The following ADAM23 variants were observed in gnomAD, a reference collection of about 807,000 sequenced individuals.
ADAM23 encodes the protein disintegrin and metalloproteinase domain-containing protein 23.
Under a neutral mutation model 120.1 loss-of-function variants are expected in ADAM23, and 33 were observed. That is an observed-to-expected ratio of 0.27 (90% CI 0.21 to 0.37). The LOEUF is 0.37. Ranked by LOEUF, ADAM23 falls within the 10% of genes least tolerant of loss-of-function variation. ADAM23 has a pLI of 1.00. For synonymous variants in ADAM23, 367 were observed against 375.2 expected (o/e 0.98, Z 0.25); for missense variants, 862 against 1,058.2 (o/e 0.81, Z 2.57).
Position 206,484,362 on chromosome 2 carries a change from A to G in ADAM23, c.509+3054A>G, listed in dbSNP as rs115715991. On this transcript the variant is annotated intron_variant, in intron 3 of 25. Transcript: ENST00000264377. ...GGTCAAATGCAAGAATTTTTGAGCAACCTTCATTAGAAATCATGTGCTATG... is the reference window on the plus strand; with the variant it reads ...GGTCAAATGCAAGAATTTTTGAGCAGCCTTCATTAGAAATCATGTGCTATG... Among the ~76,000 whole-genome samples the G allele has an allele frequency of 5.4e-3, 822 of 152,224 alleles. 16 individuals carry two copies. The highest frequency in any genetic ancestry group is 0.019 in the African/African-American group (794 of 41,544).
At chr2:206,541,983 T>C in intron 4 of ADAM23, 69 bp from the exon 5 acceptor site, 1 of 1,513,712 alleles carries the variant, frequency 6.6e-7, no homozygotes, top group South Asian at 1.1e-5. Context: ...TCTTTTTGCT[T>C]TATGGAAGCA....
chr2:206,596,513 T>G (rs1323505289), intron 24 of ADAM23, among the ~76,000 whole-genome samples: 1 of 152,252 alleles, frequency 6.6e-6, no homozygotes, highest in East Asian at 1.9e-4. Context: ...CAAATCTTTT[T>G]GGCTGACATG....
intron 3 of ADAM23, among the ~76,000 whole-genome samples, chr2:206,491,629 A>G (rs1233014267): frequency 1.3e-5 from 2 of 152,220 alleles, no homozygotes; most frequent in African/African-American, 4.8e-5. Flanking sequence ...GTTAATTGTG[A>G]CAAAAAATTG....
intron 2 of ADAM23, among the ~76,000 whole-genome samples, chr2:206,456,621 A>C (rs1208128732): frequency 6.6e-6 from 1 of 152,178 alleles, no homozygotes; most frequent in Non-Finnish European, 1.5e-5. Flanking sequence ...TTTGATCTGT[A>C]ATTATATAGC....
chr2:206,587,413 G>T, intron 19 of ADAM23, 38 bp downstream of exon 19: 3 of 1,446,344 alleles, frequency 2.1e-6, no homozygotes, highest in Non-Finnish European at 2.8e-6. Flanking sequence ...AATTTAAAAA[G>T]GATTCATTGG....
chr2:206,492,306 G>C (rs1193713347), intron 3 of ADAM23, among the ~76,000 whole-genome samples: 1 of 152,126 alleles, frequency 6.6e-6, no homozygotes, highest in Non-Finnish European at 1.5e-5. Context: ...AGAGAGTGTG[G>C]AGGCCTGAAG....
chr2:206,596,093 G>A lies in ADAM23; in HGVS notation c.2290G>A (p.Ala764Thr). 3 of 1,613,946 alleles carry A rather than the reference G, an allele frequency of 1.9e-6. No individual in the cohort carries two copies. Among genetic ancestry groups the A allele is most frequent in the Non-Finnish European group, 2.5e-6 (3 of 1,179,922 alleles). ...EATCICDFTW[A>T]GTDCSIRDPV... The stretch of plus-strand genomic sequence containing the variant: ...CACCTGCATTTGTGATTTCACCTGG[G>A]CAGGGACAGATTGCAGTATCCGGGA... Residue 764 changes from alanine to threonine, a missense_variant, in exon 24 of 26, where the codon GCA becomes ACA. Coordinates refer to ENST00000264377, the MANE Select transcript of ADAM23 (RefSeq NM_003812.4).
At chr2:206,526,308 T>G (rs1696947484) in intron 3 of ADAM23, among the ~76,000 whole-genome samples, 1 of 152,176 alleles carries the variant, frequency 6.6e-6, no homozygotes, top group South Asian at 2.1e-4. Flanking sequence ...ATTGTGAAAT[T>G]CTTTGAACAT....
chr2:206,560,968 T>TATA (rs1185673102), intron 11 of ADAM23, among the ~76,000 whole-genome samples, 160 bp from the exon 12 acceptor site: 1 of 152,206 alleles, frequency 6.6e-6, no homozygotes, highest in Non-Finnish European at 1.5e-5. Context: ...AATTTAAAGG[T>TATA]AATTATGTCA....
intron 1 of ADAM23, 39 bp downstream of exon 1, chr2:206,444,119 C>T: frequency 8.0e-7 from 1 of 1,249,054 alleles, no homozygotes; most frequent in Non-Finnish European, 1.0e-6. Context: ...GGCTTTCCCG[C>T]GGGGCCCTGC....
intron 3 of ADAM23, among the ~76,000 whole-genome samples, chr2:206,521,006 T>G (rs1696832161): frequency 6.6e-6 from 1 of 152,120 alleles, no homozygotes; most frequent in Non-Finnish European, 1.5e-5. Context: ...GTCTATAGGA[T>G]CTTCTCTTTC....
At chr2:206,461,771 G>A (rs918024567) in intron 2 of ADAM23, among the ~76,000 whole-genome samples, 5 of 152,134 alleles carry the variant, frequency 3.3e-5, no homozygotes, top group Non-Finnish European at 5.9e-5. Flanking sequence ...GAGGGTATGG[G>A]CCATTGAATT....
chr2:206,604,697 C>A (rs149568141), intron 24 of ADAM23, among the ~76,000 whole-genome samples: 336 of 152,290 alleles, frequency 2.2e-3, no homozygotes, highest in African/African-American at 7.7e-3. Flanking sequence ...GATTCTTTCT[C>A]TTCCTCTGGG....
intron 3 of ADAM23, among the ~76,000 whole-genome samples, chr2:206,492,111 A>C (rs1696146525): frequency 6.6e-6 from 1 of 152,256 alleles, no homozygotes; most frequent in African/African-American, 2.4e-5. Context: ...ATCTGTAGGC[A>C]TTTAATGACA....
Position 206,565,038 on chromosome 2 carries a change from C to T in ADAM23, c.1364C>T (p.Ser455Phe). 2 of 1,613,906 alleles carry T rather than the reference C, an allele frequency of 1.2e-6. No individual in the cohort carries two copies. Among genetic ancestry groups the T allele is most frequent in the South Asian group, 1.1e-5 (1 of 91,060 alleles). ...GGACCAGAATGTGACTGCACAGAAT[C>T]CTGGGGTGGCTGCATCATGGAGGAA... ...SRKPKCDCTESWGGCIMEETG... is the reference protein window; with the variant it reads ...SRKPKCDCTEFWGGCIMEETG... The change falls in exon 14 of 26, where the codon TCC becomes TTC. Residue 455 changes from serine to phenylalanine, a missense_variant. Transcript: ENST00000264377.
In ADAM23 at chr2:206,547,118, A is replaced by G. The variant is rs75604623; in HGVS notation, c.721-311A>G. Among the ~76,000 whole-genome samples the G allele has an allele frequency of 2.0e-5, 3 of 152,268 alleles. No homozygotes were observed. The East Asian group carries it at 5.8e-4, about 29-fold the overall frequency. ...ATGCATGTTGAAGGAATATGAAAGC[A>G]TTCGGCATGTTTTTACATGTTTATT... is the stretch of plus-strand genomic sequence containing the variant. On this transcript the variant is annotated intron_variant, in intron 6 of 25. Transcript: ENST00000264377.
intron 3 of ADAM23, among the ~76,000 whole-genome samples, chr2:206,498,263 A>G (rs1180526998): frequency 6.6e-6 from 1 of 152,232 alleles, no homozygotes; most frequent in Non-Finnish European, 1.5e-5. Flanking sequence ...CTACAAGGCT[A>G]CAGTAACCAA....
chr2:206,474,906 G>A (rs1350471023), intron 2 of ADAM23, among the ~76,000 whole-genome samples: 2 of 151,984 alleles, frequency 1.3e-5, no homozygotes, highest in African/African-American at 4.8e-5. Flanking sequence ...TTTAATCCTC[G>A]CACACATCAT....
intron 6 of ADAM23, among the ~76,000 whole-genome samples, chr2:206,543,737 A>G (rs1204201889): frequency 2.6e-5 from 4 of 151,386 alleles, no homozygotes; most frequent in Non-Finnish European, 5.9e-5. Flanking sequence ...GCAAGTAGAT[A>G]AGTAAAATGT....
Sources: gnomAD v4.1 joint callset for allele counts (sites outside exome capture counted in the v4.1 genomes callset) on GRCh38, gnomAD v4.1.1 for gene constraint, MANE v1.5 for transcripts, NCBI Gene and HGNC (gene_info 2026-07-23, HGNC 2026-07-21) for gene names.